EFR3B: variants seen among roughly 807,000 people sequenced by gnomAD.
EFR3B encodes the protein EFR3 homolog B.
Under a neutral mutation model 104.7 loss-of-function variants are expected in EFR3B, and 64 were observed. The observed-to-expected ratio is 0.61, with a 90% CI of 0.50 to 0.75. EFR3B has a LOEUF of 0.75. EFR3B is among the 30% of genes least tolerant of loss of function. EFR3B has a pLI of 0.00. For missense variants in EFR3B, 750 were observed against 1,078.5 expected (o/e 0.70, Z 4.27); for synonymous variants, 385 against 417.9 (o/e 0.92, Z 0.96).
At chr2:25,064,687 G>A (rs1668284337) in intron 1 of EFR3B, among the ~76,000 whole-genome samples, 1 of 152,320 alleles carries the variant, frequency 6.6e-6, no homozygotes, top group African/African-American at 2.4e-5. Flanking sequence ...TAGGTATTCA[G>A]ATGAATGAAT....
intron 1 of EFR3B, among the ~76,000 whole-genome samples, chr2:25,077,669 T>G (rs1375934795): frequency 2.6e-5 from 4 of 152,234 alleles, no homozygotes. Context: ...GATCCCAATT[T>G]TATACATATA....
intron 17 of EFR3B, among the ~76,000 whole-genome samples, chr2:25,142,965 A>G (rs1242777864): frequency 5.1e-4 from 75 of 146,580 alleles, no homozygotes; most frequent in African/African-American, 1.8e-3. Context: ...AAAAAAAAAA[A>G]GGCTGGGCAT....
At chr2:25,126,870 C>T (rs1210159144) in intron 5 of EFR3B, among the ~76,000 whole-genome samples, 2 of 151,814 alleles carry the variant, frequency 1.3e-5, no homozygotes, top group Non-Finnish European at 2.9e-5. Flanking sequence ...ATATTTCATA[C>T]AATGATGCCC....
In EFR3B at chr2:25,130,032, G is replaced by T; in HGVS notation, c.693G>T (p.Leu231=). The change falls in exon 7 of 23, where the codon CTG becomes CTT. Residue 231 remains leucine (L), a synonymous_variant. Coordinates refer to ENST00000403714, the MANE Select transcript of EFR3B (RefSeq NM_014971.2). This position sits in a 1 kb window ranked among gnomAD's most constrained non-coding sequence, Gnocchi z 4.6. ...PEKEKESPAE[L]AERCLRELLG... ...AGGAGAAAGAGAGCCCCGCGGAGCTGGCTGAGAGGTGTCTTCGGGAGCTGC... is the reference window on the plus strand; with the variant it reads ...AGGAGAAAGAGAGCCCCGCGGAGCTTGCTGAGAGGTGTCTTCGGGAGCTGC... 1 of 1,551,786 alleles carries T rather than the reference G, an allele frequency of 6.4e-7. No homozygotes were observed. The highest frequency in any genetic ancestry group is 8.7e-7 in the Non-Finnish European group (1 of 1,147,012).
Position 25,137,414 on chromosome 2 carries a change from C to T in EFR3B, c.1634C>T (p.Ala545Val), listed in dbSNP as rs1482195002. The T allele has an allele frequency of 2.0e-5, 31 of 1,551,784 alleles. No homozygotes were observed. The highest frequency in any genetic ancestry group is 4.9e-5 in the East Asian group (2 of 40,924). Reference sequence around the variant, plus strand: ...ACAAACGTGCAGAAACACTACGAGGCGCTCTATGGCTTGCTGGCCCTCATC... The same window carrying T: ...ACAAACGTGCAGAAACACTACGAGGTGCTCTATGGCTTGCTGGCCCTCATC... ...EETNVQKHYE[A>V]LYGLLALISI... Residue 545 changes from alanine (A) to valine (V), a missense_variant, in exon 15 of 23, where the codon GCG becomes GTG. Ala to Val is a moderately conservative substitution (Grantham distance 64, BLOSUM62 0). Transcript: ENST00000403714. The surrounding 1 kb of genome is among the most constrained non-coding windows in gnomAD (Gnocchi z 4.7).
Position 25,157,047 on chromosome 2 carries a change from T to A in EFR3B, c.*2707T>A, listed in dbSNP as rs1414502268. The stretch of plus-strand genomic sequence containing the variant: ...AGCATTAGAACCTGAGATCCCCAGA[T>A]GTTTCTGCCCCTCATCCCCATCCTG... On this transcript the variant is annotated 3_prime_UTR_variant, in exon 23 of 23. Transcript: ENST00000403714. 1 of 152,238 alleles carries A rather than the reference T, an allele frequency of 6.6e-6. No individual in the cohort carries two copies. Among genetic ancestry groups the A allele is most frequent in the African/African-American group, 2.4e-5 (1 of 41,442 alleles). The allele number at this position is 152,238 out of a possible 1,614,324, so 9.4% of individuals were successfully genotyped here.
intron 1 of EFR3B, among the ~76,000 whole-genome samples, chr2:25,071,958 G>C (rs1368290031): frequency 6.6e-6 from 1 of 152,156 alleles, no homozygotes; most frequent in African/African-American, 2.4e-5. Context: ...TGTTTTACTG[G>C]GCAGTCTTCA....
rs188926939 is a variant in EFR3B at position 25,139,618 on chromosome 2, G to A, written c.1854+428G>A. Among the ~76,000 whole-genome samples the A allele has an allele frequency of 3.2e-3, 494 of 152,168 alleles. 1 individual carries two copies. The highest frequency in any genetic ancestry group is 4.6e-3 in the Non-Finnish European group (314 of 68,016). The stretch of plus-strand genomic sequence containing the variant: ...ATGCAGACTAAAGCTATCAAATACC[G>A]CAAAGGTGGCCCGAGTAGAATGGTG... On this transcript the variant is annotated intron_variant, in intron 16 of 22. Coordinates refer to ENST00000403714, the MANE Select transcript of EFR3B (RefSeq NM_014971.2).
intron 5 of EFR3B, among the ~76,000 whole-genome samples, chr2:25,126,577 C>A (rs928114447): frequency 6.6e-6 from 1 of 152,072 alleles, no homozygotes; most frequent in Non-Finnish European, 1.5e-5. Context: ...CCAGGCTGTT[C>A]TCAAACTCCT....
At chr2:25,088,516 C>T (rs1669022084) in intron 1 of EFR3B, among the ~76,000 whole-genome samples, 1 of 152,068 alleles carries the variant, frequency 6.6e-6, no homozygotes, top group African/African-American at 2.4e-5. Flanking sequence ...CCAGCATTGA[C>T]CAGCTGGCAT....
chr2:25,045,563 C>T lies in EFR3B; in HGVS notation c.7+3244C>T, dbSNP rs541238865. 2.0e-5 allele frequency among the ~76,000 whole-genome samples: 3 copies of T among 152,260 alleles called. No individual in the cohort carries two copies. In the East Asian group the frequency reaches 5.8e-4, roughly 29 times the overall value. ...TTAGGAGGCTGAGGCGGGCAGATCA[C>T]CTGAGGTCAGGAGGTCAAGACCAGC... On this transcript the variant is annotated intron_variant, in intron 1 of 22. Coordinates refer to ENST00000403714, the MANE Select transcript of EFR3B (RefSeq NM_014971.2).
At chr2:25,122,965 T>C (rs1670062108) in intron 5 of EFR3B, among the ~76,000 whole-genome samples, 1 of 152,180 alleles carries the variant, frequency 6.6e-6, no homozygotes, top group African/African-American at 2.4e-5. Context: ...GACAAGCATC[T>C]TGCCTTACGG....
At chr2:25,090,613 T>C (rs1669085513) in intron 1 of EFR3B, among the ~76,000 whole-genome samples, 1 of 152,216 alleles carries the variant, frequency 6.6e-6, no homozygotes, top group African/African-American at 2.4e-5. Context: ...ACAAACCGGA[T>C]GCCCCTCAAG....
rs1329944574 is a variant in EFR3B, at chr2:25,093,142, G to C, written c.212+12G>C. 8 of 1,551,128 alleles carry C rather than the reference G, an allele frequency of 5.2e-6. No homozygotes were observed. The Admixed American group carries it at 1.2e-4, about 23-fold the overall frequency. On this transcript the variant is annotated intron_variant, in intron 3 of 22. Coordinates refer to ENST00000403714, the MANE Select transcript of EFR3B (RefSeq NM_014971.2). ...CGCCATCGATATGGGTAAGTAGTTT[G>C]GAAGAGAGGGAGAGAGATTGTCAGG...
intron 1 of EFR3B, among the ~76,000 whole-genome samples, chr2:25,045,889 C>A (rs925938957): frequency 1.3e-5 from 2 of 152,156 alleles, no homozygotes; most frequent in Non-Finnish European, 2.9e-5. Context: ...GAAATGCCAC[C>A]CTCTGAATTA....
intron 1 of EFR3B, among the ~76,000 whole-genome samples, chr2:25,062,942 T>C (rs1407562197): frequency 1.3e-5 from 2 of 152,030 alleles, no homozygotes; most frequent in Non-Finnish European, 2.9e-5. Context: ...TTTTTTTTTT[T>C]GAGACAAGTC....
rs920389659 is a variant in EFR3B at position 25,127,503 on chromosome 2, C to G, written c.486-680C>G. 2.6e-5 allele frequency among the ~76,000 whole-genome samples: 4 copies of G among 152,238 alleles called. No homozygotes were observed. The South Asian group carries it at 8.3e-4, about 32-fold the overall frequency. On this transcript the variant is annotated intron_variant, in intron 5 of 22. Transcript: ENST00000403714. The stretch of plus-strand genomic sequence containing the variant: ...TGGTGGTAGTGGTAAATCTTCTCTT[C>G]TCTATACTTTTCTATGATTAGTATG...
At chr2:25,081,112 C>A (rs540197762) in intron 1 of EFR3B, 6 of 692,346 alleles carry the variant, frequency 8.7e-6, no homozygotes, top group African/African-American at 7.1e-5. Flanking sequence ...TAGTCTTCTC[C>A]CCTAGGGTAT....
At position 25,133,543 on chromosome 2, in the gene EFR3B, A is replaced by C. The variant is rs185921002; in HGVS notation, c.1311+109A>C. ...AGTCGTGCATGTGGCATACTGCACAAATACACCCAGTCGGTTGAGTCGGGG... is the reference window on the plus strand; with the variant it reads ...AGTCGTGCATGTGGCATACTGCACACATACACCCAGTCGGTTGAGTCGGGG... On this transcript the variant is annotated intron_variant, in intron 12 of 22. Transcript: ENST00000403714. The C allele has an allele frequency of 2.4e-4, 285 of 1,164,096 alleles. 1 individual carries two copies. The African/African-American group carries it at 4.1e-3, about 17-fold the overall frequency. The allele number at this position is 1,164,096 out of a possible 1,614,324, so 72.1% of individuals were successfully genotyped here. A position where few individuals can be genotyped will look rare whatever the true frequency, so the allele number is the denominator to read the frequency against.
Sources: allele counts gnomAD v4.1 joint callset (sites outside exome capture counted in the v4.1 genomes callset), GRCh38; gene constraint gnomAD v4.1.1; non-coding constraint Gnocchi (gnomAD v3.1); transcripts MANE v1.5; gene names NCBI Gene and HGNC (gene_info 2026-07-23, HGNC 2026-07-21).